ABCA4: variants seen among roughly 807,000 people sequenced by gnomAD.
ABCA4 encodes ATP binding cassette subfamily A member 4, also known as retinal-specific phospholipid-transporting ATPase ABCA4.
A neutral mutation model predicts 263.7 loss-of-function variants in ABCA4; 196 were observed. The observed-to-expected ratio is 0.74, with a 90% confidence interval of 0.66 to 0.84. ABCA4 has a LOEUF of 0.84. Ranked by LOEUF, ABCA4 falls within the 40% of genes least tolerant of loss-of-function variation. The pLI, the probability that ABCA4 is intolerant of heterozygous loss-of-function variation, is 0.00. For missense variants in ABCA4, 2,792 were observed against 2,855.1 expected (o/e 0.98, Z 0.50); for synonymous variants, 1,133 against 1,094.2 (o/e 1.04, Z -0.70).
chr1:94,094,470 G>A (rs1218673449), intron 6 of ABCA4, among the ~76,000 whole-genome samples: 1 of 152,178 alleles, frequency 6.6e-6, no homozygotes, highest in Admixed American at 6.5e-5. Flanking sequence ...CAGTGGTTGG[G>A]GGACAGAAAA....
intron 1 of ABCA4, among the ~76,000 whole-genome samples, chr1:94,116,973 T>C (rs1260541254): frequency 1.3e-5 from 1 of 77,970 alleles, no homozygotes; most frequent in Non-Finnish European, 2.8e-5. Flanking sequence ...TCTTTCTCTT[T>C]CTTTCTTTCT....
intron 31 of ABCA4, 133 bp from the exon 32 acceptor site, chr1:94,023,551 G>T: frequency 1.3e-6 from 1 of 799,770 alleles, no homozygotes; most frequent in Non-Finnish European, 2.1e-6. Flanking sequence ...CGATATCCAA[G>T]CAATGCGGAA....
At chr1:94,091,569 A>G (rs1322309665) in intron 6 of ABCA4, among the ~76,000 whole-genome samples, 1 of 144,624 alleles carries the variant, frequency 6.9e-6, no homozygotes, top group Admixed American at 7.3e-5. Context: ...TCAAAATGGC[A>G]AACATCATCT....
At chr1:94,080,769 T>C (rs375651324) in intron 7 of ABCA4, 51 bp from the exon 8 acceptor site, 1 of 1,613,172 alleles carries the variant, frequency 6.2e-7, no homozygotes. Flanking sequence ...AGAGTCATAA[T>C]CTGCTGTGAG....
intron 26 of ABCA4, among the ~76,000 whole-genome samples, chr1:94,033,866 T>C (rs1487904133): frequency 6.6e-6 from 1 of 152,062 alleles, no homozygotes; most frequent in African/African-American, 2.4e-5. Context: ...TCAGATTTGA[T>C]GTCTTCTATG....
At chr1:94,001,344 G>A (rs369440689) in intron 45 of ABCA4, among the ~76,000 whole-genome samples, 1 of 152,242 alleles carries the variant, frequency 6.6e-6, no homozygotes, top group East Asian at 1.9e-4. Flanking sequence ...GGGGATTAAA[G>A]TGGATTAAGG....
At chr1:94,084,303 T>C (rs1350197524) in intron 6 of ABCA4, among the ~76,000 whole-genome samples, 1 of 152,248 alleles carries the variant, frequency 6.6e-6, no homozygotes, top group East Asian at 1.9e-4. Flanking sequence ...AGGTGTGAAG[T>C]GAGCACTGGG....
chr1:94,001,173 G>A, intron 45 of ABCA4, 68 bp from the exon 46 acceptor site: 1 of 1,340,098 alleles, frequency 7.5e-7, no homozygotes, highest in Non-Finnish European at 1.1e-6. Context: ...GCTTCCCCCT[G>A]GGCTGGCTCC....
chr1:94,118,880 C>T (rs887726800), intron 1 of ABCA4, among the ~76,000 whole-genome samples: 5 of 152,346 alleles, frequency 3.3e-5, no homozygotes, highest in South Asian at 4.1e-4. Context: ...GCGACATGAG[C>T]GCCACAGGAA....
chr1:94,053,165 A>C (rs891729737), intron 16 of ABCA4, among the ~76,000 whole-genome samples: 2 of 152,202 alleles, frequency 1.3e-5, no homozygotes, highest in African/African-American at 4.8e-5. Context: ...CTTCTCTTCC[A>C]TGTGGCAGTT....
intron 7 of ABCA4, among the ~76,000 whole-genome samples, chr1:94,083,061 A>G (rs996664570): frequency 2.6e-5 from 4 of 152,246 alleles, no homozygotes; most frequent in Non-Finnish European, 5.9e-5. Flanking sequence ...GAAAAGACTT[A>G]GATTCAACTG....
chr1:94,028,322 T>A (rs1660091670), intron 30 of ABCA4, among the ~76,000 whole-genome samples: 1 of 152,164 alleles, frequency 6.6e-6, no homozygotes, highest in Admixed American at 6.5e-5. Context: ...TTGATGTCTC[T>A]AAATCCCCCA....
rs1660166008 is a variant in ABCA4, at chr1:94,030,411, G to T, written c.4352+17C>A. The T allele has an allele frequency of 6.2e-6, 10 of 1,612,752 alleles. No homozygotes were observed. Among genetic ancestry groups the T allele is most frequent in the Non-Finnish European group, 8.5e-6 (10 of 1,178,968 alleles). On this transcript the variant is annotated intron_variant, in intron 29 of 49. Coordinates refer to ENST00000370225, the MANE Select transcript of ABCA4 (RefSeq NM_000350.3). ...GGGGAGCTAGTCTTCTTAGGACAGGGGCGCGTAGGCACTTACGGAAGCCAC... is the reference window on the plus strand; with the variant it reads ...GGGGAGCTAGTCTTCTTAGGACAGGTGCGCGTAGGCACTTACGGAAGCCAC...
chr1:94,006,461 T>C (rs999498716), intron 43 of ABCA4, among the ~76,000 whole-genome samples: 1 of 152,252 alleles, frequency 6.6e-6, no homozygotes, highest in Non-Finnish European at 1.5e-5. Context: ...CAGTTGTAAC[T>C]TGATGTCTCA....
chr1:94,003,725 C>T (rs1659279279), intron 44 of ABCA4, among the ~76,000 whole-genome samples: 2 of 152,158 alleles, frequency 1.3e-5, no homozygotes, highest in African/African-American at 4.8e-5. Context: ...CCTCAACCTC[C>T]TGGGCTCAAG....
chr1:94,049,393 A>T (rs954783574), intron 17 of ABCA4, among the ~76,000 whole-genome samples: 1 of 152,186 alleles, frequency 6.6e-6, no homozygotes, highest in South Asian at 2.1e-4. Flanking sequence ...TGGGAGGCCA[A>T]TGTAGGCGTA....
rs746252741 is a variant in ABCA4, at chr1:94,014,652, A to G, written c.5351T>C (p.Leu1784Pro). The change falls in exon 38 of 50, where the codon CTG becomes CCG. Residue 1784 changes from leucine to proline, a missense_variant. Transcript: ENST00000370225. Reference protein sequence around the residue: ...VIPMMYPASFLFDVPSTAYVA... With the variant: ...VIPMMYPASFPFDVPSTAYVA... Reference sequence around the variant, plus strand: ...ATAGGCTGTGCTGGGGACATCAAACAGGAAGGATGCTGGGTACATCATGGG... The same window carrying G: ...ATAGGCTGTGCTGGGGACATCAAACGGGAAGGATGCTGGGTACATCATGGG... The G allele has an allele frequency of 1.9e-6, 3 of 1,614,268 alleles. No homozygotes were observed. Among genetic ancestry groups the G allele is most frequent in the Non-Finnish European group, 1.7e-6 (2 of 1,180,052 alleles).
intron 6 of ABCA4, among the ~76,000 whole-genome samples, chr1:94,090,477 G>C (rs2101122257): frequency 6.6e-6 from 1 of 151,952 alleles, no homozygotes; most frequent in Admixed American, 6.6e-5. Flanking sequence ...AACCCACCCT[G>C]TCTCACCCCA....
At chr1:94,118,639 C>A (rs1662865141) in intron 1 of ABCA4, among the ~76,000 whole-genome samples, 1 of 152,232 alleles carries the variant, frequency 6.6e-6, no homozygotes, top group Non-Finnish European at 1.5e-5. Flanking sequence ...AGACAGAAAT[C>A]TCAATTTCCA....
Sources: allele counts gnomAD v4.1 joint callset (sites outside exome capture counted in the v4.1 genomes callset), GRCh38; gene constraint gnomAD v4.1.1; transcripts MANE v1.5; gene names NCBI Gene and HGNC (gene_info 2026-07-23, HGNC 2026-07-21).